The following TMEFF1 variants were observed in gnomAD, a reference collection of about 807,000 sequenced individuals.
TMEFF1 encodes the protein tomoregulin-1.
Under a neutral mutation model 47.5 loss-of-function variants are expected in TMEFF1, and 20 were observed. That is an observed-to-expected ratio of 0.42 (90% confidence interval 0.30 to 0.61). The LOEUF is 0.61. TMEFF1 is among the 20% of genes least tolerant of loss of function. The pLI, the probability that TMEFF1 is intolerant of heterozygous loss-of-function variation, is 0.19. For synonymous variants in TMEFF1, 162 were observed against 166.3 expected (o/e 0.97, Z 0.20); for missense variants, 411 against 471.1 (o/e 0.87, Z 1.18).
At chr9:100,515,172 T>TTGCCC (rs1229635461) in intron 4 of TMEFF1, among the ~76,000 whole-genome samples, 28 of 152,164 alleles carry the variant, frequency 1.8e-4, no homozygotes, top group African/African-American at 5.5e-4. Context: ...GCTGGATATC[T>TTGCCC]TGCCCTGAGG....
intron 1 of TMEFF1, among the ~76,000 whole-genome samples, chr9:100,476,028 TCC>T (rs543260884): frequency 1.3e-3 from 205 of 152,262 alleles, no homozygotes; most frequent in Non-Finnish European, 2.3e-3. Flanking sequence ...TAGTTTCCAT[TCC>T]TTTTAAAAAA....
chr9:100,576,408 C>T lies in TMEFF1; in HGVS notation c.1059-108C>T, dbSNP rs373468013. 4 of 1,367,858 alleles carry T rather than the reference C, an allele frequency of 2.9e-6. No homozygotes were observed. In the East Asian group the frequency reaches 9.9e-5, roughly 34 times the overall value. 84.7% of individuals were successfully genotyped at this position (1,367,858 alleles called of 1,614,324 possible). A position where few individuals can be genotyped will look rare whatever the true frequency, so the allele number is the denominator to read the frequency against. On this transcript the variant is annotated intron_variant, in intron 9 of 9. Coordinates refer to ENST00000374879, the MANE Select transcript of TMEFF1 (RefSeq NM_003692.5). Reference sequence around the variant, plus strand: ...CATTTCCCTTTCATGTAATTGCTTGCAATGTGGCTTTATGTGCAAAATGTG... The same window carrying T: ...CATTTCCCTTTCATGTAATTGCTTGTAATGTGGCTTTATGTGCAAAATGTG...
chr9:100,543,490 G>A (rs1564023590), intron 5 of TMEFF1, among the ~76,000 whole-genome samples: 2 of 151,918 alleles, frequency 1.3e-5, no homozygotes, highest in Non-Finnish European at 2.9e-5. Context: ...TCTGTGGGCT[G>A]AGCTGCATAT....
intron 5 of TMEFF1, among the ~76,000 whole-genome samples, chr9:100,528,300 G>A (rs1413120947): frequency 5.3e-5 from 8 of 150,390 alleles, no homozygotes; most frequent in Admixed American, 6.6e-5. Context: ...TCTGAGCTAC[G>A]GGAGGACATT....
At chr9:100,548,329 A>G (rs958191815) in intron 6 of TMEFF1, among the ~76,000 whole-genome samples, 1 of 152,186 alleles carries the variant, frequency 6.6e-6, no homozygotes, top group Non-Finnish European at 1.5e-5. Context: ...TTTTCCCTGT[A>G]CATATTATGT....
At chr9:100,486,752 C>T (rs906354329) in intron 1 of TMEFF1, among the ~76,000 whole-genome samples, 3 of 152,140 alleles carry the variant, frequency 2.0e-5, no homozygotes, top group African/African-American at 7.2e-5. Flanking sequence ...CCTACCTCAG[C>T]CTCCTGAGTA....
At chr9:100,486,183 A>G (rs1837445166) in intron 1 of TMEFF1, among the ~76,000 whole-genome samples, 1 of 152,298 alleles carries the variant, frequency 6.6e-6, no homozygotes, top group African/African-American at 2.4e-5. Context: ...TGAAGAGGAA[A>G]TCTGGGATAA....
intron 2 of TMEFF1, among the ~76,000 whole-genome samples, chr9:100,504,879 T>A (rs1343488056): frequency 1.3e-5 from 2 of 152,236 alleles, no homozygotes; most frequent in Non-Finnish European, 2.9e-5. Context: ...TCAGAATTAA[T>A]GCTTCATTTT....
At chr9:100,552,001 A>G (rs931853473) in intron 7 of TMEFF1, among the ~76,000 whole-genome samples, 3 of 152,198 alleles carry the variant, frequency 2.0e-5, no homozygotes, top group Non-Finnish European at 4.4e-5. Context: ...ATAGGAGAGC[A>G]TGAGCATAGA....
At chr9:100,489,290 CT>C in intron 1 of TMEFF1, among the ~76,000 whole-genome samples, 1 of 152,244 alleles carries the variant, frequency 6.6e-6, no homozygotes, top group Middle Eastern at 3.4e-3. Context: ...TCACTGCAGC[CT>C]TGACCTCCGG....
At chr9:100,553,880 C>T (rs1838869988) in intron 7 of TMEFF1, among the ~76,000 whole-genome samples, 1 of 152,086 alleles carries the variant, frequency 6.6e-6, no homozygotes, top group African/African-American at 2.4e-5. Flanking sequence ...CTGAAATGCA[C>T]AAATCTTGAC....
chr9:100,527,896 G>A lies in TMEFF1; in HGVS notation c.560+11125G>A, dbSNP rs554969486. Among the ~76,000 whole-genome samples, 914 of 152,304 alleles carry A rather than the reference G, an allele frequency of 6.0e-3. 10 individuals carry two copies. The highest frequency in any genetic ancestry group is 0.021 in the African/African-American group (854 of 41,568). ...TCCCAGCACGCAGCTGGAGATCTGAGAACAGGCAGACTGCCTCCTCAAGTG... is the reference window on the plus strand; with the variant it reads ...TCCCAGCACGCAGCTGGAGATCTGAAAACAGGCAGACTGCCTCCTCAAGTG... On this transcript the variant is annotated intron_variant, in intron 5 of 9. Transcript: ENST00000374879.
rs892299892 is a variant in TMEFF1 at position 100,577,505 on chromosome 9, A to G, written c.*905A>G. 12 of 152,552 alleles carry G rather than the reference A, an allele frequency of 7.9e-5. No individual in the cohort carries two copies. Among genetic ancestry groups the G allele is most frequent in the African/African-American group, 2.9e-4 (12 of 41,468 alleles). 9.4% of individuals were successfully genotyped at this position (152,552 alleles called of 1,614,324 possible). ...TTTAAAGATCTGAAGTGTGAGTAGAATGTATTCAGCTGTTTAACATGTAGT... is the reference window on the plus strand; with the variant it reads ...TTTAAAGATCTGAAGTGTGAGTAGAGTGTATTCAGCTGTTTAACATGTAGT... On this transcript the variant is annotated 3_prime_UTR_variant, in exon 10 of 10. Transcript: ENST00000374879.
chr9:100,559,767 A>G lies in TMEFF1; in HGVS notation c.776-1630A>G, dbSNP rs566660380. ...GATTTGAACGAGGTCACAAAGCAGT[A>G]AAGACATTTTTTAAATTGAGAATTT... On this transcript the variant is annotated intron_variant, in intron 7 of 9. Transcript: ENST00000374879. Among the ~76,000 whole-genome samples, 3 of 152,304 alleles carry G rather than the reference A, an allele frequency of 2.0e-5. 1 individual carries two copies. The South Asian group carries it at 6.2e-4, about 32-fold the overall frequency.
intron 1 of TMEFF1, among the ~76,000 whole-genome samples, chr9:100,491,740 T>A (rs1837555253): frequency 6.6e-6 from 1 of 152,196 alleles, no homozygotes; most frequent in African/African-American, 2.4e-5. Flanking sequence ...TGGTAGTTAT[T>A]TGGTTAATTG....
At chr9:100,520,705 A>G (rs940232106) in intron 5 of TMEFF1, among the ~76,000 whole-genome samples, 1 of 152,266 alleles carries the variant, frequency 6.6e-6, no homozygotes, top group South Asian at 2.1e-4. Flanking sequence ...TACACATAAT[A>G]TATTTTTAAG....
chr9:100,557,447 T>G (rs2118535949), intron 7 of TMEFF1, among the ~76,000 whole-genome samples: 1 of 152,272 alleles, frequency 6.6e-6, no homozygotes, highest in South Asian at 2.1e-4. Context: ...TTTTCCATAA[T>G]CTAGTTTTAG....
rs1440209162 is a variant in TMEFF1 at position 100,572,614 on chromosome 9, T to G, written c.996T>G (p.Ile332Met). Residue 332 changes from isoleucine (I) to methionine (M), a missense_variant, in exon 9 of 10, where the codon ATT (isoleucine) becomes ATG (methionine). By Grantham distance (10) the Ile-to-Met change is conservative. Coordinates refer to ENST00000374879, the MANE Select transcript of TMEFF1 (RefSeq NM_003692.5). The stretch of plus-strand genomic sequence containing the variant: ...GGCAAAAGCTCACTCATGTTCTTAT[T>G]GCAGCAATTATTGGAGCTGTACAGA... ...PSRQKLTHVL[I>M]AAIIGAVQIA... The G allele has an allele frequency of 1.9e-6, 3 of 1,613,534 alleles. No homozygotes were observed. In the African/African-American group the frequency reaches 4.0e-5, roughly 22 times the overall value.
intron 5 of TMEFF1, among the ~76,000 whole-genome samples, chr9:100,540,925 AT>A (rs1838616395): frequency 6.6e-6 from 1 of 152,060 alleles, no homozygotes; most frequent in East Asian, 1.9e-4. Flanking sequence ...TATTTAAAAA[AT>A]TGATTTGTAT....
Sources: gnomAD v4.1 joint callset for allele counts (sites outside exome capture counted in the v4.1 genomes callset) on GRCh38, gnomAD v4.1.1 for gene constraint, MANE v1.5 for transcripts, NCBI Gene and HGNC (gene_info 2026-07-23, HGNC 2026-07-21) for gene names.